ATP13A4: variants seen among roughly 807,000 people sequenced by gnomAD.
ATP13A4 encodes ATPase 13A4.
ATP13A4 carries 114 observed loss-of-function variants against 142.5 expected under a neutral mutation model. The observed-to-expected ratio is 0.80, with a 90% CI of 0.69 to 0.93. The LOEUF is 0.93. Ranked by LOEUF, ATP13A4 falls within the 40% of genes least tolerant of loss-of-function variation. The pLI is 0.00. For synonymous variants in ATP13A4, 488 were observed against 514.8 expected (o/e 0.95, Z 0.70); for missense variants, 1,392 against 1,454.0 (o/e 0.96, Z 0.69).
At chr3:193,448,112 A>C (rs1349123237) in intron 18 of ATP13A4, 94 bp downstream of exon 18, 2 of 1,534,424 alleles carry the variant, frequency 1.3e-6, no homozygotes, top group Admixed American at 3.4e-5. Context: ...TGTCTGGCCC[A>C]GAGTAGGTAG....
chr3:193,502,521 T>C lies in ATP13A4; in HGVS notation c.353A>G (p.Asn118Ser). Residue 118 changes from asparagine (N) to serine (S), a missense_variant, in exon 3 of 30, where the codon AAT (asparagine) becomes AGT (serine). Transcript: ENST00000342695. ...PLMTDEEYII[N>S]RAIRKPDLKV... ...TAGGTCTGGCTTTCTTATGGCTCTA[T>C]TTATGATATACTCCTCATCTGTCAT... The C allele has an allele frequency of 6.2e-7, 1 of 1,614,076 alleles. No individual in the cohort carries two copies. The highest frequency in any genetic ancestry group is 8.5e-7 in the Non-Finnish European group (1 of 1,179,950).
chr3:193,407,537 T>A lies in ATP13A4; in HGVS notation c.3298-144A>T, dbSNP rs77259759. The A allele has an allele frequency of 1.5e-3, 820 of 549,834 alleles. 6 individuals carry two copies. Among genetic ancestry groups the A allele is most frequent in the African/African-American group, 0.015 (763 of 51,492 alleles). 34.1% of individuals were successfully genotyped at this position (549,834 alleles called of 1,614,324 possible). A position where few individuals can be genotyped will look rare whatever the true frequency, so the allele number is the denominator to read the frequency against. On this transcript the variant is annotated intron_variant, in intron 28 of 29. Coordinates refer to ENST00000342695, the MANE Select transcript of ATP13A4 (RefSeq NM_032279.4). The stretch of plus-strand genomic sequence containing the variant: ...GTATATTACATATATCTTATATATA[T>A]AAAAAATTTCTATGCTTGTATGCAC...
chr3:193,462,049 C>T (rs1717980233), intron 13 of ATP13A4, among the ~76,000 whole-genome samples: 1 of 151,956 alleles, frequency 6.6e-6, no homozygotes, highest in Admixed American at 6.6e-5. Context: ...TGGTGAAACC[C>T]CGTCCCTACT....
At chr3:193,554,557 TTA>T (rs1264920008) in intron 1 of ATP13A4, 181 bp downstream of exon 1, 3 of 711,280 alleles carry the variant, frequency 4.2e-6, no homozygotes, top group Non-Finnish European at 7.3e-6. Context: ...CTGTCAGAGG[TTA>T]TATTTACAGG....
intron 21 of ATP13A4, among the ~76,000 whole-genome samples, chr3:193,439,821 G>C (rs1716517035): frequency 6.6e-6 from 1 of 152,168 alleles, no homozygotes; most frequent in African/African-American, 2.4e-5. Flanking sequence ...CTAGGTTTCA[G>C]CCATGTTGAG....
At chr3:193,513,842 C>T (rs1247591679) in intron 2 of ATP13A4, among the ~76,000 whole-genome samples, 1 of 152,218 alleles carries the variant, frequency 6.6e-6, no homozygotes, top group Non-Finnish European at 1.5e-5. Flanking sequence ...ATGCTCCCCA[C>T]CCCTTCCCTT....
intron 8 of ATP13A4, among the ~76,000 whole-genome samples, chr3:193,472,044 C>T (rs573614953): frequency 2.0e-5 from 3 of 152,250 alleles, no homozygotes; most frequent in Admixed American, 2.0e-4. Flanking sequence ...AGGGTGTCTA[C>T]ATAGGAGTGG....
intron 23 of ATP13A4, among the ~76,000 whole-genome samples, chr3:193,436,525 G>A (rs1008633972): frequency 2.6e-5 from 4 of 151,772 alleles, no homozygotes; most frequent in African/African-American, 9.7e-5. Context: ...TCAGCTCACT[G>A]CAACCTCTGC....
At chr3:193,563,777 T>C (rs2108737867) in intron 2 of ATP13A4, among the ~76,000 whole-genome samples, 1 of 152,368 alleles carries the variant, frequency 6.6e-6, no homozygotes, top group Non-Finnish European at 1.5e-5. Flanking sequence ...ATATTTTATT[T>C]CTTAATTATT....
At chr3:193,525,777 T>C (rs1268228294) in intron 1 of ATP13A4, among the ~76,000 whole-genome samples, 1 of 152,234 alleles carries the variant, frequency 6.6e-6, no homozygotes, top group Non-Finnish European at 1.5e-5. Context: ...CTATCTATTT[T>C]ATATATTAAT....
At chr3:193,584,991 T>C (rs1287881646) in intron 1 of ATP13A4, among the ~76,000 whole-genome samples, 1 of 152,204 alleles carries the variant, frequency 6.6e-6, no homozygotes. Flanking sequence ...TTTTTCCTGG[T>C]CTAGAGCATC....
intron 8 of ATP13A4, among the ~76,000 whole-genome samples, chr3:193,476,361 C>T (rs1718965967): frequency 6.6e-6 from 1 of 152,070 alleles, no homozygotes; most frequent in South Asian, 2.1e-4. Flanking sequence ...TCTTACCTCT[C>T]TCAGCCTTCG....
At chr3:193,575,522 A>G (rs559479969) in intron 2 of ATP13A4, among the ~76,000 whole-genome samples, 1 of 152,304 alleles carries the variant, frequency 6.6e-6, no homozygotes, top group East Asian at 1.9e-4. Context: ...GCAATGGAGG[A>G]GAAGTGAGAA....
chr3:193,519,645 T>A (rs1323514395), intron 1 of ATP13A4, among the ~76,000 whole-genome samples: 2 of 139,630 alleles, frequency 1.4e-5, no homozygotes, highest in South Asian at 4.9e-4. Flanking sequence ...TTTTTTTTTT[T>A]TTTTTTTTTT....
chr3:193,491,205 G>A, intron 6 of ATP13A4, 124 bp downstream of exon 6: 2 of 802,994 alleles, frequency 2.5e-6, no homozygotes, highest in South Asian at 1.4e-5. Flanking sequence ...AATATGCTTG[G>A]CATACTTTCA....
chr3:193,439,301 C>T (rs999823278), intron 21 of ATP13A4, among the ~76,000 whole-genome samples: 3 of 151,986 alleles, frequency 2.0e-5, no homozygotes, highest in East Asian at 1.9e-4. Flanking sequence ...CACATCACTG[C>T]GTAGGGAGAG....
chr3:193,431,960 G>A (rs569038752), intron 25 of ATP13A4, among the ~76,000 whole-genome samples: 52 of 152,036 alleles, frequency 3.4e-4, no homozygotes, highest in African/African-American at 1.2e-3. Flanking sequence ...GTAGAATTAG[G>A]GATGAGAATG....
intron 1 of ATP13A4, among the ~76,000 whole-genome samples, chr3:193,534,726 T>C (rs1326732313): frequency 6.6e-6 from 1 of 152,130 alleles, no homozygotes. Context: ...CTCAGAGGTC[T>C]GTGAGACTAT....
chr3:193,572,964 CAA>C (rs111244759), intron 2 of ATP13A4, among the ~76,000 whole-genome samples: 295 of 86,948 alleles, frequency 3.4e-3, no homozygotes, highest in African/African-American at 0.011. Context: ...ACCTTCTTTA[CAA>C]AAAAAAAAAA....
Sources: allele counts gnomAD v4.1 joint callset (sites outside exome capture counted in the v4.1 genomes callset), GRCh38; gene constraint gnomAD v4.1.1; transcripts MANE v1.5; gene names NCBI Gene and HGNC (gene_info 2026-07-23, HGNC 2026-07-21).